Variants in ATP6V1C1 observed in about 807,000 individuals in gnomAD.
The protein encoded by ATP6V1C1 is V-type proton ATPase subunit C 1.
In ATP6V1C1, 45 loss-of-function variants were observed where a neutral mutation model predicts 53.9. That is an observed-to-expected ratio of 0.83 (90% CI 0.66 to 1.07). The LOEUF is 1.07. Among genes scored for constraint, ATP6V1C1 ranks in the 50% least tolerant of loss-of-function variants. The pLI is 0.00. For missense variants in ATP6V1C1, 315 were observed against 440.3 expected (o/e 0.72, Z 2.55); for synonymous variants, 153 against 155.2 (o/e 0.99, Z 0.11).
At chr8:103,056,896 C>T (rs927343044) in intron 8 of ATP6V1C1, among the ~76,000 whole-genome samples, 2 of 152,042 alleles carry the variant, frequency 1.3e-5, no homozygotes, top group African/African-American at 2.4e-5. Context: ...TGGGAAGTAG[C>T]TTAGTATGAT....
rs1434301411 is a variant in ATP6V1C1 at position 103,061,345 on chromosome 8, ACTTAAAGCCATT to A, written c.642-1607_642-1596del. On this transcript the variant is annotated intron_variant, in intron 8 of 12. Coordinates refer to ENST00000518738, the MANE Select transcript of ATP6V1C1 (RefSeq NM_001695.5). Reference sequence around the variant, plus strand: ...TGACGAGGAGTAGGGTAGATTCAGTACTTAAAGCCATTCTGTGATTAACACTGTAATTGCCTC... The same window carrying A: ...TGACGAGGAGTAGGGTAGATTCAGTACTGTGATTAACACTGTAATTGCCTC... Among the ~76,000 whole-genome samples, 39 of 152,336 alleles carry A rather than the reference ACTTAAAGCCATT, an allele frequency of 2.6e-4. No individual in the cohort carries two copies. In the East Asian group the frequency reaches 6.9e-3, roughly 27 times the overall value.
chr8:103,021,876 C>T (rs1356945783), intron 1 of ATP6V1C1, among the ~76,000 whole-genome samples: 1 of 152,118 alleles, frequency 6.6e-6, no homozygotes, highest in Non-Finnish European at 1.5e-5. Context: ...TATTGAATCA[C>T]TTGAGAAACA....
chr8:103,036,540 A>G (rs969633936), intron 1 of ATP6V1C1, among the ~76,000 whole-genome samples: 1 of 152,360 alleles, frequency 6.6e-6, no homozygotes. Flanking sequence ...TAAATTTTTT[A>G]AAAGCTAAAT....
chr8:103,043,414 C>T (rs1432890103), intron 3 of ATP6V1C1, among the ~76,000 whole-genome samples: 1 of 152,036 alleles, frequency 6.6e-6, no homozygotes, highest in East Asian at 1.9e-4. Context: ...CCTCCACCTC[C>T]TGGGTTCAAG....
At chr8:103,022,630 T>A (rs1022724611) in intron 1 of ATP6V1C1, among the ~76,000 whole-genome samples, 3 of 152,128 alleles carry the variant, frequency 2.0e-5, no homozygotes, top group Non-Finnish European at 2.9e-5. Context: ...TTGCTAAGAA[T>A]ATGACTTTTT....
At chr8:103,026,770 G>T (rs188405859) in intron 1 of ATP6V1C1, among the ~76,000 whole-genome samples, 6 of 152,258 alleles carry the variant, frequency 3.9e-5, no homozygotes, top group Admixed American at 2.6e-4. Context: ...CCGAGATCGC[G>T]CCAGTGCACT....
chr8:103,032,302 A>G (rs1382883424), intron 1 of ATP6V1C1, among the ~76,000 whole-genome samples: 1 of 152,242 alleles, frequency 6.6e-6, no homozygotes, highest in African/African-American at 2.4e-5. Flanking sequence ...GAAATGCATC[A>G]TGGAAATGCA....
chr8:103,038,278 C>G (rs1422222772), intron 1 of ATP6V1C1, among the ~76,000 whole-genome samples: 4 of 152,230 alleles, frequency 2.6e-5, no homozygotes, highest in African/African-American at 9.6e-5. Flanking sequence ...CAATAGACTT[C>G]CTTATGTGGT....
In ATP6V1C1 at chr8:103,070,070, G is replaced by A. The variant is rs1257049322; in HGVS notation, c.*1323G>A. The A allele has an allele frequency of 6.6e-6, 1 of 152,024 alleles. No individual in the cohort carries two copies. The highest frequency in any genetic ancestry group is 1.5e-5 in the Non-Finnish European group (1 of 68,012). 9.4% of individuals were successfully genotyped at this position (152,024 alleles called of 1,614,324 possible). On this transcript the variant is annotated 3_prime_UTR_variant, in exon 13 of 13. Coordinates refer to ENST00000518738, the MANE Select transcript of ATP6V1C1 (RefSeq NM_001695.5). ...CACACAGTTTATTTTTAATAAAATA[G>A]GATTATACCACACACATCCTGTCAC... is the stretch of plus-strand genomic sequence containing the variant.
chr8:103,040,114 A>G (rs1816969703), intron 1 of ATP6V1C1, among the ~76,000 whole-genome samples: 1 of 152,150 alleles, frequency 6.6e-6, no homozygotes, highest in Admixed American at 6.5e-5. Flanking sequence ...GATAAAAGTT[A>G]TGCTTTTTTT....
At chr8:103,035,816 C>T (rs1816886519) in intron 1 of ATP6V1C1, among the ~76,000 whole-genome samples, 1 of 152,168 alleles carries the variant, frequency 6.6e-6, no homozygotes, top group South Asian at 2.1e-4. Context: ...CTGGCAGGTC[C>T]ATCGAATCTC....
Position 103,065,624 on chromosome 8 carries a change from GCTCA to G in ATP6V1C1, c.927-694_927-691del, listed in dbSNP as rs202060846. Among the ~76,000 whole-genome samples, 56 of 152,200 alleles carry G rather than the reference GCTCA, an allele frequency of 3.7e-4. No individual in the cohort carries two copies. The East Asian group carries it at 9.3e-3, about 25-fold the overall frequency. On this transcript the variant is annotated intron_variant, in intron 11 of 12. Transcript: ENST00000518738. ...CACCCCAAAACTTACATGTAACCAT[GCTCA>G]CTATTTTTAAATTTTTTCAAATTTT... is the stretch of plus-strand genomic sequence containing the variant.
intron 3 of ATP6V1C1, among the ~76,000 whole-genome samples, chr8:103,048,203 A>G (rs1056526725): frequency 2.0e-5 from 3 of 152,204 alleles, no homozygotes; most frequent in Non-Finnish European, 4.4e-5. Context: ...TGACAAGGTC[A>G]TATGTAGGTG....
rs1464080816 is a variant in ATP6V1C1, at chr8:103,035,943, T to C, written c.-39-4855T>C. Among the ~76,000 whole-genome samples the C allele has an allele frequency of 7.9e-5, 12 of 152,154 alleles. No individual in the cohort carries two copies. In the East Asian group the frequency reaches 2.3e-3, roughly 29 times the overall value. On this transcript the variant is annotated intron_variant, in intron 1 of 12. Coordinates refer to ENST00000518738, the MANE Select transcript of ATP6V1C1 (RefSeq NM_001695.5). Reference sequence around the variant, plus strand: ...AGGTAGGATAGTTTTGGATGCTGGGTGATGCTACTTTAGAAATTGTGATGA... The same window carrying C: ...AGGTAGGATAGTTTTGGATGCTGGGCGATGCTACTTTAGAAATTGTGATGA...
At chr8:103,059,929 T>C (rs1487359202) in intron 8 of ATP6V1C1, among the ~76,000 whole-genome samples, 1 of 150,956 alleles carries the variant, frequency 6.6e-6, no homozygotes, top group African/African-American at 2.4e-5. Flanking sequence ...TCTTGTACCC[T>C]ATGTCCCAGC....
chr8:103,032,449 T>G (rs1816815158), intron 1 of ATP6V1C1, among the ~76,000 whole-genome samples: 1 of 152,112 alleles, frequency 6.6e-6, no homozygotes, highest in African/African-American at 2.4e-5. Context: ...AAACAGTTTG[T>G]CAGTCTCCCC....
At chr8:103,041,618 A>G (rs1020785606) in intron 2 of ATP6V1C1, among the ~76,000 whole-genome samples, 2 of 152,118 alleles carry the variant, frequency 1.3e-5, no homozygotes, top group African/African-American at 4.8e-5. Context: ...ACACCTGTAA[A>G]CCTAGCACTT....
intron 8 of ATP6V1C1, among the ~76,000 whole-genome samples, chr8:103,057,999 A>T (rs775968935): frequency 1.3e-5 from 2 of 152,190 alleles, no homozygotes; most frequent in Non-Finnish European, 2.9e-5. Context: ...GGAGGCAGGT[A>T]GAGGAGGAGA....
At chr8:103,021,505 T>C (rs548645417) in intron 1 of ATP6V1C1, 2 of 152,452 alleles carry the variant, frequency 1.3e-5, no homozygotes, top group South Asian at 4.1e-4. Flanking sequence ...GGATCTTTCT[T>C]CTTGGGTAGG....
Sources: allele counts gnomAD v4.1 joint callset (sites outside exome capture counted in the v4.1 genomes callset), GRCh38; gene constraint gnomAD v4.1.1; transcripts MANE v1.5; gene names NCBI Gene and HGNC (gene_info 2026-07-23, HGNC 2026-07-21).